ABHD17C: variants seen among roughly 807,000 people sequenced by gnomAD.
ABHD17C encodes the protein alpha/beta hydrolase domain-containing protein 17C.
ABHD17C carries 11 observed loss-of-function variants against 27.9 expected under a neutral mutation model. The ratio of observed to expected loss-of-function variants is 0.39; its 90% CI spans 0.25 to 0.65. The LOEUF is 0.65. Ranked by LOEUF, ABHD17C falls within the 30% of genes least tolerant of loss-of-function variation. The probability of loss-of-function intolerance (pLI) is 0.45; values close to 1 mark genes in which losing one functional copy is unlikely to be tolerated. For synonymous variants in ABHD17C, 233 were observed against 209.1 expected, an observed-to-expected ratio of 1.11 and a Z score of -0.98; for missense variants, 280 against 470.2, an observed-to-expected ratio of 0.60 and a Z score of 3.74.
At chr15:80,729,226 T>G (rs919988580) in intron 1 of ABHD17C, among the ~76,000 whole-genome samples, 30 of 152,200 alleles carry the variant, frequency 2.0e-4, no homozygotes, top group Non-Finnish European at 2.4e-4. Flanking sequence ...CTAGCCAGCA[T>G]GTATGCGTGT....
chr15:80,736,181 C>T (rs1825774512), intron 1 of ABHD17C, among the ~76,000 whole-genome samples: 1 of 152,214 alleles, frequency 6.6e-6, no homozygotes, highest in Admixed American at 6.5e-5. Flanking sequence ...TCTTTGTTTT[C>T]ACCATTGGAA....
chr15:80,747,433 G>A (rs890745494), intron 1 of ABHD17C, among the ~76,000 whole-genome samples: 4 of 152,140 alleles, frequency 2.6e-5, no homozygotes, highest in Non-Finnish European at 5.9e-5. Flanking sequence ...TTGCTGCTGG[G>A]GAGATCCCTG....
chr15:80,710,046 G>C (rs1473560759), intron 1 of ABHD17C, among the ~76,000 whole-genome samples: 1 of 152,190 alleles, frequency 6.6e-6, no homozygotes, highest in African/African-American at 2.4e-5. Flanking sequence ...AACAGGGCAA[G>C]GGCATTGGAG....
Position 80,754,134 on chromosome 15 carries a change from C to A in ABHD17C, c.771-17C>A, listed in dbSNP as rs755418134. 1.2e-6 allele frequency: 2 copies of A among 1,600,076 alleles called. No individual in the cohort carries two copies. Among genetic ancestry groups the A allele is most frequent in the Admixed American group, 3.3e-5 (2 of 59,958 alleles). ...TAATGGAGTCCTCTTTCTGCCTCCC[C>A]CCTTTCTGTTTTGCAGCATTGACAA... is the stretch of plus-strand genomic sequence containing the variant. On this transcript the variant is annotated splice_polypyrimidine_tract_variant and intron_variant, in intron 2 of 2. Transcript: ENST00000258884.
At position 80,714,040 on chromosome 15, in the gene ABHD17C, AC is replaced by A. The variant is rs1357964117; in HGVS notation, c.590+18023del. ...GCAATCATGGCTCATCACACCCCTGACCTCCTGGGCTCGGGTAGTCCTCCCA... is the reference window on the plus strand; with the variant it reads ...GCAATCATGGCTCATCACACCCCTGACTCCTGGGCTCGGGTAGTCCTCCCA... On this transcript the variant is annotated intron_variant, in intron 1 of 2. Coordinates refer to ENST00000258884, the MANE Select transcript of ABHD17C (RefSeq NM_021214.2). Among the ~76,000 whole-genome samples the A allele has an allele frequency of 2.0e-5, 3 of 151,870 alleles. No homozygotes were observed. In the East Asian group the frequency reaches 5.8e-4, roughly 29 times the overall value.
chr15:80,716,450 A>G (rs1894804647), intron 1 of ABHD17C, among the ~76,000 whole-genome samples: 1 of 152,110 alleles, frequency 6.6e-6, no homozygotes, highest in Non-Finnish European at 1.5e-5. Flanking sequence ...GTCCCCCACA[A>G]TTTCTACAAA....
At chr15:80,699,792 A>T (rs968181831) in intron 1 of ABHD17C, among the ~76,000 whole-genome samples, 4 of 152,188 alleles carry the variant, frequency 2.6e-5, no homozygotes. Flanking sequence ...GATTATTTTA[A>T]ACTCTTGAAA....
intron 1 of ABHD17C, among the ~76,000 whole-genome samples, chr15:80,699,971 G>C (rs1465013557): frequency 6.6e-6 from 1 of 152,236 alleles, no homozygotes; most frequent in Non-Finnish European, 1.5e-5. Flanking sequence ...ACAAACAAGT[G>C]AGGGAATGAA....
intron 2 of ABHD17C, 125 bp from the exon 3 acceptor site, chr15:80,754,023 CAAA>C: frequency 1.3e-6 from 1 of 773,626 alleles, no homozygotes; most frequent in East Asian, 2.7e-5. Flanking sequence ...ACAAAACAAA[CAAA>C]AAAAACCCAC....
intron 1 of ABHD17C, among the ~76,000 whole-genome samples, chr15:80,732,349 C>T (rs1042823190): frequency 6.6e-6 from 1 of 152,200 alleles, no homozygotes; most frequent in Admixed American, 6.5e-5. Flanking sequence ...TGCTTCTCCA[C>T]GTTTAGTCCA....
intron 1 of ABHD17C, among the ~76,000 whole-genome samples, chr15:80,719,037 T>C (rs1894850262): frequency 6.6e-6 from 1 of 152,228 alleles, no homozygotes; most frequent in African/African-American, 2.4e-5. Context: ...GATGTGTTAT[T>C]AGGTATTAGG....
At chr15:80,700,979 A>G (rs1351359830) in intron 1 of ABHD17C, among the ~76,000 whole-genome samples, 2 of 152,232 alleles carry the variant, frequency 1.3e-5, no homozygotes, top group Admixed American at 6.5e-5. Flanking sequence ...ACCGTGTACT[A>G]CGTACTCTTG....
intron 1 of ABHD17C, among the ~76,000 whole-genome samples, chr15:80,734,538 A>C (rs1404797667): frequency 6.6e-6 from 1 of 152,238 alleles, no homozygotes; most frequent in Non-Finnish European, 1.5e-5. Flanking sequence ...AAGAGATTTA[A>C]TTTTATATTT....
At position 80,754,617 on chromosome 15, in the gene ABHD17C, G is replaced by A. The variant is rs1023359672; in HGVS notation, c.*247G>A. 4.4e-6 allele frequency: 2 copies of A among 454,266 alleles called. No individual in the cohort carries two copies. The highest frequency in any genetic ancestry group is 3.8e-5 in the Admixed American group (1 of 26,586). The allele number at this position is 454,266 out of a possible 1,614,324, so 28.1% of individuals were successfully genotyped here. A position where few individuals can be genotyped will look rare whatever the true frequency, so the allele number is the denominator to read the frequency against. Reference sequence around the variant, plus strand: ...CATTACCTTGCAGGAATGGGAATGAGAGCTGAATGTAGGGACAATTTTCTA... The same window carrying A: ...CATTACCTTGCAGGAATGGGAATGAAAGCTGAATGTAGGGACAATTTTCTA... On this transcript the variant is annotated 3_prime_UTR_variant, in exon 3 of 3. Transcript: ENST00000258884.
chr15:80,733,993 TTA>T (rs1376736024), intron 1 of ABHD17C, among the ~76,000 whole-genome samples: 16 of 131,278 alleles, frequency 1.2e-4, no homozygotes, highest in Admixed American at 2.9e-4. Flanking sequence ...ATTTATTTAT[TTA>T]TTTTTTTAAA....
At chr15:80,698,091 G>A (rs1254846054) in intron 1 of ABHD17C, among the ~76,000 whole-genome samples, 18 of 133,214 alleles carry the variant, frequency 1.4e-4, no homozygotes, top group Non-Finnish European at 2.6e-4. Context: ...TTGAGACGGA[G>A]TCTTGCTCTG....
Position 80,704,826 on chromosome 15 carries a change from CAATT to C in ABHD17C, c.590+8812_590+8815del, listed in dbSNP as rs1270736215. ...AGCATCGACCTTGAAGAATAGACTA[CAATT>C]AATTCCTTAAACCAGGTCAGTAGAG... is the stretch of plus-strand genomic sequence containing the variant. On this transcript the variant is annotated intron_variant, in intron 1 of 2. Coordinates refer to ENST00000258884, the MANE Select transcript of ABHD17C (RefSeq NM_021214.2). 5 of 152,224 alleles carry C rather than the reference CAATT, an allele frequency of 3.3e-5. No homozygotes were observed. In the East Asian group the frequency reaches 9.6e-4, roughly 29 times the overall value. The allele number at this position is 152,224 out of a possible 1,614,324, so 9.4% of individuals were successfully genotyped here.
At chr15:80,733,306 G>T (rs1895081890) in intron 1 of ABHD17C, among the ~76,000 whole-genome samples, 1 of 152,112 alleles carries the variant, frequency 6.6e-6, no homozygotes, top group Non-Finnish European at 1.5e-5. Context: ...TGGGTACAGG[G>T]CCTCAGACGA....
intron 2 of ABHD17C, among the ~76,000 whole-genome samples, chr15:80,753,307 A>G (rs1466680309): frequency 2.6e-5 from 4 of 152,160 alleles, no homozygotes; most frequent in African/African-American, 9.7e-5. Flanking sequence ...ACTTCAACAA[A>G]CACAACAGCC....
Sources: allele counts gnomAD v4.1 joint callset (sites outside exome capture counted in the v4.1 genomes callset), GRCh38; gene constraint gnomAD v4.1.1; transcripts MANE v1.5; gene names NCBI Gene and HGNC (gene_info 2026-07-23, HGNC 2026-07-21).